SYNJ2: variants seen among roughly 807,000 people sequenced by gnomAD.
The protein encoded by SYNJ2 is polyphosphatidylinositol phosphatase SYNJ2.
A neutral mutation model predicts 141.3 loss-of-function variants in SYNJ2; 116 were observed. The ratio of observed to expected loss-of-function variants is 0.82; its 90% CI spans 0.71 to 0.96. SYNJ2 has a LOEUF of 0.96. SYNJ2 is among the 40% of genes least tolerant of loss of function. The pLI is 0.00. For missense variants in SYNJ2, 1,873 were observed against 1,934.8 expected, an observed-to-expected ratio of 0.97 and a Z score of 0.60; for synonymous variants, 745 against 777.7, an observed-to-expected ratio of 0.96 and a Z score of 0.70.
At chr6:158,003,759 G>T (rs1230884886) in intron 1 of SYNJ2, among the ~76,000 whole-genome samples, 1 of 152,256 alleles carries the variant, frequency 6.6e-6, no homozygotes, top group East Asian at 1.9e-4. Context: ...GCCGTGCACG[G>T]CTGCTCCCAC....
chr6:157,987,771 A>ACT (rs1290502100), intron 1 of SYNJ2, among the ~76,000 whole-genome samples: 1 of 152,216 alleles, frequency 6.6e-6, no homozygotes, highest in Non-Finnish European at 1.5e-5. Context: ...ATTATTATTA[A>ACT]CTATAGTTAC....
chr6:158,091,740 ACT>A lies in SYNJ2; in HGVS notation c.3566-1183_3566-1182del, dbSNP rs539457397. 2.3e-3 allele frequency among the ~76,000 whole-genome samples: 331 copies of A among 145,472 alleles called. 1 individual carries two copies. Among genetic ancestry groups the A allele is most frequent in the African/African-American group, 8.0e-3 (309 of 38,756 alleles). On this transcript the variant is annotated intron_variant, in intron 25 of 26. Coordinates refer to ENST00000355585, the MANE Select transcript of SYNJ2 (RefSeq NM_003898.4). ...ACTCCAGCCTGGGTGACAGAGCTAG[ACT>A]CTGTCTCATAAAAAAAAAAAAAAAA...
chr6:158,080,479 TAA>T (rs61208089), intron 18 of SYNJ2, among the ~76,000 whole-genome samples: 59,083 of 121,384 alleles, frequency 0.49, 13,496 homozygotes, highest in African/African-American at 0.63. Context: ...TGACTCAAAA[TAA>T]AAAAAAAAAA....
Position 158,078,104 on chromosome 6 carries a change from G to A in SYNJ2, c.2450-60G>A, listed in dbSNP as rs117205998. On this transcript the variant is annotated intron_variant, in intron 17 of 26. Transcript: ENST00000355585. ...CCTCTATTGTGGAAGTGTCATGATC[G>A]CATTCTTGGATATTGACTCGATTCT... The A allele has an allele frequency of 5.1e-3, 5,661 of 1,101,272 alleles. 27 individuals carry two copies. The highest frequency in any genetic ancestry group is 5.4e-3 in the Non-Finnish European group (3,906 of 723,406). 68.2% of individuals were successfully genotyped at this position (1,101,272 alleles called of 1,614,324 possible).
chr6:158,050,670 C>T (rs1053996853), intron 5 of SYNJ2, among the ~76,000 whole-genome samples: 2 of 152,134 alleles, frequency 1.3e-5, no homozygotes, highest in African/African-American at 2.4e-5. Context: ...CAGGGCATGC[C>T]GTCTGCTTGC....
At position 158,078,261 on chromosome 6, in the gene SYNJ2, G is replaced by C; in HGVS notation, c.2547G>C (p.Glu849Asp). 1 of 1,613,606 alleles carries C rather than the reference G, an allele frequency of 6.2e-7. No homozygotes were observed. Residue 849 changes from glutamate (E) to aspartate (D), a missense_variant, in exon 18 of 27, where the codon GAG (glutamate) becomes GAC (aspartate). Transcript: ENST00000355585. ...CCCTGCAGTATTATGGTCGTGCGGA[G>C]CTACAAGCGTCTGATCACAGGTGAG... ...PGALQYYGRAELQASDHRPVL... is the reference protein window; with the variant it reads ...PGALQYYGRADLQASDHRPVL...
At chr6:157,981,733 AGCGCGGGGCCGGGCGGGAGGCGGCG>A (rs1412677967), upstream of SYNJ2, among the ~76,000 whole-genome samples, 1 of 151,384 alleles carries the variant, frequency 6.6e-6, no homozygotes, top group African/African-American at 2.4e-5. This position sits in a 1 kb window ranked among gnomAD's most constrained non-coding sequence, Gnocchi z 6.4. Context: ...CGCTGGGGGG[AGCGCGGGGCCGGGCGGGAGGCGGCG>A]GCGCGCCCTC....
At chr6:157,993,546 T>A (rs922423433) in intron 1 of SYNJ2, among the ~76,000 whole-genome samples, 14 of 152,022 alleles carry the variant, frequency 9.2e-5, no homozygotes, top group Admixed American at 5.9e-4. Flanking sequence ...TAATATGATC[T>A]CTTTTGTTCA....
chr6:158,010,772 A>G (rs1333970902), intron 1 of SYNJ2, among the ~76,000 whole-genome samples: 6 of 152,106 alleles, frequency 3.9e-5, no homozygotes, highest in African/African-American at 1.2e-4. Context: ...ACATGTGACA[A>G]TGGAGGGACA....
chr6:158,045,942 CTTGTT>C (rs917350284), intron 5 of SYNJ2, among the ~76,000 whole-genome samples: 1 of 151,632 alleles, frequency 6.6e-6, no homozygotes, highest in African/African-American at 2.4e-5. Context: ...CTTTTTGTTT[CTTGTT>C]TTGTTTTGTT....
chr6:158,023,521 A>G (rs1778886845), intron 2 of SYNJ2, among the ~76,000 whole-genome samples: 1 of 152,110 alleles, frequency 6.6e-6, no homozygotes, highest in Admixed American at 6.5e-5. Context: ...ACTGTCTGGG[A>G]CACACAGGCA....
At chr6:157,999,007 C>G (rs1387542005) in intron 1 of SYNJ2, among the ~76,000 whole-genome samples, 1 of 152,060 alleles carries the variant, frequency 6.6e-6, no homozygotes, top group Non-Finnish European at 1.5e-5. Context: ...AAGCAACAGC[C>G]CAGAAGGAAA....
In SYNJ2 at chr6:158,081,218, G is replaced by T. The variant is rs1383618855; in HGVS notation, c.2677G>T (p.Val893Leu). Residue 893 changes from valine (V) to leucine (L), a missense_variant, in exon 19 of 27, where the codon GTA becomes TTA. Coordinates refer to ENST00000355585, the MANE Select transcript of SYNJ2 (RefSeq NM_003898.4). ...CCAGGGCCCCCTGGATGCCACTGTTGTAGTAAACCTTCAATCACCGACCTT... is the reference window on the plus strand; with the variant it reads ...CCAGGGCCCCCTGGATGCCACTGTTTTAGTAAACCTTCAATCACCGACCTT... Reference protein sequence around the residue: ...SFQGPLDATVVVNLQSPTLEE... With the variant: ...SFQGPLDATVLVNLQSPTLEE... 2.5e-6 allele frequency: 4 copies of T among 1,614,154 alleles called. No individual in the cohort carries two copies. Among genetic ancestry groups the T allele is most frequent in the Non-Finnish European group, 2.5e-6 (3 of 1,180,020 alleles).
intron 1 of SYNJ2, among the ~76,000 whole-genome samples, chr6:157,995,314 A>G (rs1483640158): frequency 6.6e-6 from 1 of 152,152 alleles, no homozygotes; most frequent in Non-Finnish European, 1.5e-5. Flanking sequence ...TTTTGGCTTA[A>G]AAGAGAATAT....
At chr6:158,051,781 T>C (rs1780579330) in intron 5 of SYNJ2, among the ~76,000 whole-genome samples, 1 of 120,652 alleles carries the variant, frequency 8.3e-6, no homozygotes, top group South Asian at 2.9e-4. Flanking sequence ...ACCCCATCTC[T>C]ACAAAAAATA....
rs1583505921 is a variant in SYNJ2, at chr6:158,086,978, C to G, written c.3332C>G (p.Pro1111Arg). The change falls in exon 23 of 27, where the codon CCC becomes CGC. Residue 1111 changes from proline (P) to arginine (R), a missense_variant. Coordinates refer to ENST00000355585, the MANE Select transcript of SYNJ2 (RefSeq NM_003898.4). ...CGGCCACCTCAACCCCCGCAGAGAC[C>G]CCCCCCTCCAAGTAAGACTCTGCTT... ...RPRPPQPPQR[P>R]PPPTGLMVKK... The G allele has an allele frequency of 9.4e-7, 1 of 1,063,372 alleles. No individual in the cohort carries two copies. Among genetic ancestry groups the G allele is most frequent in the East Asian group, 4.2e-5 (1 of 23,830 alleles). The allele number at this position is 1,063,372 out of a possible 1,614,324, so 65.9% of individuals were successfully genotyped here. A position where few individuals can be genotyped will look rare whatever the true frequency, so the allele number is the denominator to read the frequency against.
chr6:158,040,242 A>C lies in SYNJ2; in HGVS notation c.712-3074A>C, dbSNP rs1169329528. Among the ~76,000 whole-genome samples the C allele has an allele frequency of 1.3e-5, 2 of 151,872 alleles. No individual in the cohort carries two copies. The highest frequency in any genetic ancestry group is 4.8e-5 in the African/African-American group (2 of 41,242). On this transcript the variant is annotated intron_variant, in intron 4 of 26. Coordinates refer to ENST00000355585, the MANE Select transcript of SYNJ2 (RefSeq NM_003898.4). This position sits in a 1 kb window ranked among gnomAD's most constrained non-coding sequence, Gnocchi z 4.2. The stretch of plus-strand genomic sequence containing the variant: ...TGTGTTGTACATGTGTGTATGTGTC[A>C]TGTGCATTGTGCATTTGTGTATACA...
intron 1 of SYNJ2, among the ~76,000 whole-genome samples, chr6:157,988,302 C>A (rs1777284255): frequency 6.6e-6 from 1 of 152,194 alleles, no homozygotes; most frequent in South Asian, 2.1e-4. Context: ...GAGAAGGTGG[C>A]CAGGCTGGGG....
rs201865472 is a variant in SYNJ2, at chr6:158,094,451, AAAAAT to A, written c.3745-1162_3745-1158del. Among the ~76,000 whole-genome samples, 1,137 of 151,986 alleles carry A rather than the reference AAAAAT, an allele frequency of 7.5e-3. 15 individuals carry two copies. Among genetic ancestry groups the A allele is most frequent in the African/African-American group, 0.026 (1,062 of 41,410 alleles). Reference sequence around the variant, plus strand: ...CCAACACAGCCTATTTTATAATAATAAAAATAAAAGATCAAACTTCAAAATTCAAA... The same window carrying A: ...CCAACACAGCCTATTTTATAATAATAAAAAGATCAAACTTCAAAATTCAAA... On this transcript the variant is annotated intron_variant, in intron 26 of 26. Transcript: ENST00000355585.
Sources: gnomAD v4.1 joint callset for allele counts (sites outside exome capture counted in the v4.1 genomes callset) on GRCh38, gnomAD v4.1.1 for gene constraint, Gnocchi (gnomAD v3.1) non-coding constraint, MANE v1.5 for transcripts, NCBI Gene and HGNC (gene_info 2026-07-23, HGNC 2026-07-21) for gene names.